The following DAB2IP variants were observed in gnomAD, a reference collection of about 807,000 sequenced individuals.
DAB2IP encodes the protein DAB2 interacting protein, also known as disabled homolog 2-interacting protein.
Under a neutral mutation model 107.2 loss-of-function variants are expected in DAB2IP, and 28 were observed. The ratio of observed to expected loss-of-function variants is 0.26; its 90% CI spans 0.19 to 0.36. DAB2IP has a LOEUF of 0.36. Among genes scored for constraint, DAB2IP ranks in the 10% least tolerant of loss-of-function variants. The probability of loss-of-function intolerance (pLI) is 1.00; values close to 1 mark genes in which losing one functional copy is unlikely to be tolerated. For missense variants in DAB2IP, 1,400 were observed against 1,644.7 expected (o/e 0.85, Z 2.57); for synonymous variants, 755 against 706.4 (o/e 1.07, Z -1.09).
chr9:121,748,244 C>T (rs1285820875), intron 3 of DAB2IP, among the ~76,000 whole-genome samples: 2 of 152,166 alleles, frequency 1.3e-5, no homozygotes, highest in Admixed American at 1.3e-4. Context: ...TGTGATAGAC[C>T]TTAGATACAG....
At chr9:121,625,816 A>T (rs1390242401) in intron 1 of DAB2IP, among the ~76,000 whole-genome samples, 1 of 152,118 alleles carries the variant, frequency 6.6e-6, no homozygotes, top group African/African-American at 2.4e-5. Context: ...AGTTGTCTCC[A>T]TTGAACGATC....
At chr9:121,609,056 C>T (rs1037636776) in intron 1 of DAB2IP, among the ~76,000 whole-genome samples, 1 of 152,230 alleles carries the variant, frequency 6.6e-6, no homozygotes, top group East Asian at 1.9e-4. Flanking sequence ...ATTCTCCTGC[C>T]TCAGCCTCCC....
intron 1 of DAB2IP, among the ~76,000 whole-genome samples, chr9:121,663,953 G>A (rs1833312531): frequency 6.6e-6 from 1 of 152,220 alleles, no homozygotes; most frequent in African/African-American, 2.4e-5. Context: ...GTCATGGTTT[G>A]AACTTCAGTT....
intron 1 of DAB2IP, among the ~76,000 whole-genome samples, chr9:121,620,349 G>A (rs1831419452): frequency 6.6e-6 from 1 of 151,382 alleles, no homozygotes; most frequent in Admixed American, 6.6e-5. Context: ...GCCACTGACC[G>A]GTCCACAAAC....
chr9:121,653,928 G>T (rs976759591), intron 1 of DAB2IP, among the ~76,000 whole-genome samples: 8 of 152,236 alleles, frequency 5.3e-5, no homozygotes, highest in African/African-American at 1.9e-4. Flanking sequence ...ATCAGGGAGA[G>T]CTTCACAGAG....
At chr9:121,596,774 C>T (rs1830539689) in intron 1 of DAB2IP, among the ~76,000 whole-genome samples, 1 of 152,136 alleles carries the variant, frequency 6.6e-6, no homozygotes, top group South Asian at 2.1e-4. Context: ...CTCTGGGTCA[C>T]TGGGGTATGT....
At position 121,641,915 on chromosome 9, in the gene DAB2IP, TTC is replaced by T. The variant is rs771390277; in HGVS notation, c.41-36761_41-36760del. Among the ~76,000 whole-genome samples, 4 of 145,988 alleles carry T rather than the reference TTC, an allele frequency of 2.7e-5. 1 individual carries two copies. Among genetic ancestry groups the T allele is most frequent in the South Asian group, 4.4e-4 (2 of 4,542 alleles). ...TCCCTTTCTTTCTTTCTTTCTTTCT[TTC>T]TTTCTTTCTTTCTTTCTTTCTCTCT... is the stretch of plus-strand genomic sequence containing the variant. On this transcript the variant is annotated intron_variant, in intron 1 of 16. Coordinates refer to the DAB2IP transcript ENST00000259371.
In DAB2IP at chr9:121,637,465, A is replaced by G. The variant is rs150503067; in HGVS notation, c.41-41213A>G. Among the ~76,000 whole-genome samples the G allele has an allele frequency of 4.5e-3, 685 of 152,232 alleles. 6 individuals are homozygous for G. The highest frequency in any genetic ancestry group is 0.016 in the African/African-American group (662 of 41,530). On this transcript the variant is annotated intron_variant, in intron 1 of 16. Coordinates refer to the DAB2IP transcript ENST00000259371. ...GAGATCATGGCTGTGGAGCCTTGAA[A>G]CCACTGAGTCTGGTGGGGGAAGAAG... is the stretch of plus-strand genomic sequence containing the variant.
intron 1 of DAB2IP, among the ~76,000 whole-genome samples, chr9:121,623,019 C>G (rs1831526168): frequency 6.6e-6 from 1 of 152,162 alleles, no homozygotes; most frequent in African/African-American, 2.4e-5. Flanking sequence ...CGTGGGGCAC[C>G]CTGGGTCCTA....
chr9:121,724,593 T>G (rs1831125977), intron 3 of DAB2IP, among the ~76,000 whole-genome samples: 1 of 152,244 alleles, frequency 6.6e-6, no homozygotes, highest in Non-Finnish European at 1.5e-5. Flanking sequence ...CTGATGTGTC[T>G]CTGGCACCTA....
At chr9:121,691,832 G>A (rs553508232) in intron 2 of DAB2IP, among the ~76,000 whole-genome samples, 1 of 152,214 alleles carries the variant, frequency 6.6e-6, no homozygotes, top group Non-Finnish European at 1.5e-5. Flanking sequence ...AAAGAGGTGT[G>A]TCAAACAGTG....
In DAB2IP at chr9:121,748,902, C is replaced by A. The variant is rs560539160; in HGVS notation, c.363-8111C>A. Among the ~76,000 whole-genome samples, 13 of 152,312 alleles carry A rather than the reference C, an allele frequency of 8.5e-5. 1 individual carries two copies. The South Asian group carries it at 2.7e-3, about 32-fold the overall frequency. On this transcript the variant is annotated intron_variant, in intron 3 of 15. Transcript: ENST00000408936. ...CAGAAGGCCACGTGTCTCCCTGTCT[C>A]ACAGCCCAGGGCGTTCTGTGTGTAT...
chr9:121,650,248 C>T (rs762204454), upstream of DAB2IP, among the ~76,000 whole-genome samples: 1 of 152,188 alleles, frequency 6.6e-6, no homozygotes, highest in Non-Finnish European at 1.5e-5. Flanking sequence ...GCTCTGGACT[C>T]CTCAGACTGA....
intron 3 of DAB2IP, among the ~76,000 whole-genome samples, chr9:121,728,515 A>G (rs1391996782): frequency 6.6e-6 from 1 of 152,190 alleles, no homozygotes; most frequent in African/African-American, 2.4e-5. Flanking sequence ...ATGCCTGCCA[A>G]TAGGGAACTC....
At position 121,701,204 on chromosome 9, in the gene DAB2IP, G is replaced by C. The variant is rs1829764773; in HGVS notation, c.362+1746G>C. On this transcript the variant is annotated intron_variant, in intron 3 of 15. Coordinates refer to ENST00000408936, the Ensembl canonical transcript of DAB2IP. This position sits in a 1 kb window ranked among gnomAD's most constrained non-coding sequence, Gnocchi z 4.7. ...GGCTTCTGAGTGTGTCTGCTCTCCC[G>C]GGAGCAGGCGGCATGCATGTCATGT... Among the ~76,000 whole-genome samples the C allele has an allele frequency of 6.6e-6, 1 of 152,196 alleles. No individual in the cohort carries two copies. The highest frequency in any genetic ancestry group is 2.1e-4 in the South Asian group (1 of 4,830).
chr9:121,678,719 G>A (rs781178703), exon 2 of DAB2IP: 1 of 1,596,796 alleles, frequency 6.3e-7, no homozygotes, highest in Admixed American at 1.7e-5. Flanking sequence ...CAGCCTGCCT[G>A]GCAGCCTTTC....
exon 16 of DAB2IP, chr9:121,783,831 C>A (rs1235665230): frequency 5.8e-6 from 3 of 520,510 alleles, no homozygotes; most frequent in Non-Finnish European, 1.0e-5. Flanking sequence ...CCCCCACTTT[C>A]AAGACAGATG....
rs74644683 is a variant in DAB2IP, at chr9:121,613,750, T to C, written c.40+46522T>C. 3.5e-3 allele frequency among the ~76,000 whole-genome samples: 534 copies of C among 152,364 alleles called. 3 individuals carry two copies. Among genetic ancestry groups the C allele is most frequent in the African/African-American group, 0.012 (497 of 41,576 alleles). ...CTTTAAATACAGAACAAATGACCTGTGCACTTATTGGAGAAGTGCTGGGAT... is the reference window on the plus strand; with the variant it reads ...CTTTAAATACAGAACAAATGACCTGCGCACTTATTGGAGAAGTGCTGGGAT... On this transcript the variant is annotated intron_variant, in intron 1 of 16. Transcript: ENST00000259371.
Position 121,766,485 on chromosome 9 carries a change from C to T in DAB2IP, c.1461-9C>T. 1.2e-6 allele frequency: 2 copies of T among 1,602,804 alleles called. No homozygotes were observed. The highest frequency in any genetic ancestry group is 8.5e-7 in the Non-Finnish European group (1 of 1,179,550). ...ACAGCCAAGCCCACCTTTGTCTGTCCCTACACAGTGTCTTCCCACGGGAGT... is the reference window on the plus strand; with the variant it reads ...ACAGCCAAGCCCACCTTTGTCTGTCTCTACACAGTGTCTTCCCACGGGAGT... On this transcript the variant is annotated splice_polypyrimidine_tract_variant and intron_variant, in intron 8 of 15. Coordinates refer to ENST00000408936, the Ensembl canonical transcript of DAB2IP.
Sources: allele counts gnomAD v4.1 joint callset (sites outside exome capture counted in the v4.1 genomes callset), GRCh38; gene constraint gnomAD v4.1.1; non-coding constraint Gnocchi (gnomAD v3.1); transcripts MANE v1.5; gene names NCBI Gene and HGNC (gene_info 2026-07-23, HGNC 2026-07-21).